TRIM9: variants seen among roughly 807,000 people sequenced by gnomAD.
TRIM9 encodes the protein E3 ubiquitin-protein ligase TRIM9.
Under a neutral mutation model 78.3 loss-of-function variants are expected in TRIM9, and 26 were observed. The observed-to-expected ratio is 0.33, with a 90% CI of 0.24 to 0.46. The LOEUF is 0.46. Ranked by LOEUF, TRIM9 falls within the 20% of genes least tolerant of loss-of-function variation. The pLI, the probability that TRIM9 is intolerant of heterozygous loss-of-function variation, is 1.00. For synonymous variants in TRIM9, 398 were observed against 416.5 expected (o/e 0.96, Z 0.54); for missense variants, 787 against 1,036.4 (o/e 0.76, Z 3.30).
chr14:51,011,047 G>C (rs138268072), intron 3 of TRIM9, among the ~76,000 whole-genome samples: 2 of 152,296 alleles, frequency 1.3e-5, no homozygotes, highest in Non-Finnish European at 2.9e-5. Context: ...GACCTGGAAG[G>C]CCAAGGTGGA....
intron 1 of TRIM9, among the ~76,000 whole-genome samples, chr14:51,031,147 C>CAAAAAAAAAAAAAAAAAAAAAAAA (rs1210514761): frequency 3.0e-5 from 3 of 100,738 alleles, no homozygotes; most frequent in South Asian, 3.9e-4. Flanking sequence ...AAACTCTTTC[C>CAAAAAAAAAAAAAAAAAAAAAAAA]AAAAAAAAAA....
intron 1 of TRIM9, among the ~76,000 whole-genome samples, chr14:51,065,643 G>A (rs1020992655): frequency 1.4e-4 from 21 of 152,206 alleles, no homozygotes; most frequent in African/African-American, 5.1e-4. Flanking sequence ...TTAAGCTGAT[G>A]AGGGTTTTAA....
In TRIM9 at chr14:51,095,007, G is replaced by T; in HGVS notation, c.-68C>A. 1 of 1,256,494 alleles carries T rather than the reference G, an allele frequency of 8.0e-7. No homozygotes were observed. Among genetic ancestry groups the T allele is most frequent in the Non-Finnish European group, 1.0e-6 (1 of 964,002 alleles). 77.8% of individuals were successfully genotyped at this position (1,256,494 alleles called of 1,614,324 possible). On this transcript the variant is annotated 5_prime_UTR_variant, in exon 1 of 13. Coordinates refer to ENST00000684578, the MANE Select transcript of TRIM9 (RefSeq NM_001387360.1). ...CCTGAGCTGGCGAGGTGGCCGACGG[G>T]CCCGTCTTGTCCAGCACCCTGGCCA... is the stretch of plus-strand genomic sequence containing the variant.
chr14:51,080,455 A>G (rs1433836475), intron 1 of TRIM9, among the ~76,000 whole-genome samples: 1 of 151,510 alleles, frequency 6.6e-6, no homozygotes, highest in Non-Finnish European at 1.5e-5. Flanking sequence ...ACACACACAC[A>G]CACACACACA....
At chr14:50,994,137 G>A (rs1302852646) in intron 7 of TRIM9, among the ~76,000 whole-genome samples, 1 of 152,232 alleles carries the variant, frequency 6.6e-6, no homozygotes, top group African/African-American at 2.4e-5. Context: ...GCTACATGGT[G>A]GCTCATGCCT....
chr14:51,049,858 GATT>G (rs2060256371), intron 1 of TRIM9, among the ~76,000 whole-genome samples: 1 of 151,562 alleles, frequency 6.6e-6, no homozygotes, highest in African/African-American at 2.4e-5. Flanking sequence ...AAAATAAAAA[GATT>G]ATTATTATTT....
chr14:51,043,898 T>G (rs146654870), intron 1 of TRIM9, among the ~76,000 whole-genome samples: 2 of 152,286 alleles, frequency 1.3e-5, no homozygotes, highest in East Asian at 3.9e-4. Context: ...TGTGCATACG[T>G]TTAAATTATT....
chr14:51,000,193 A>G (rs2054778373), intron 6 of TRIM9, among the ~76,000 whole-genome samples: 1 of 152,234 alleles, frequency 6.6e-6, no homozygotes, highest in Non-Finnish European at 1.5e-5. Flanking sequence ...ATCTTGGACA[A>G]CGGTTAATTA....
At chr14:51,054,707 G>T (rs2060748313) in intron 1 of TRIM9, among the ~76,000 whole-genome samples, 1 of 151,988 alleles carries the variant, frequency 6.6e-6, no homozygotes, top group African/African-American at 2.4e-5. Flanking sequence ...CGGAGTAGCT[G>T]GGACTACAGG....
chr14:50,993,027 T>A (rs1345161934), intron 7 of TRIM9, among the ~76,000 whole-genome samples: 1 of 152,224 alleles, frequency 6.6e-6, no homozygotes, highest in African/African-American at 2.4e-5. Context: ...CTTCTGTGAA[T>A]AAATGGCTCT....
chr14:51,022,736 T>C (rs1001473848), intron 3 of TRIM9, 99 bp downstream of exon 3: 71 of 1,545,784 alleles, frequency 4.6e-5, no homozygotes, highest in Non-Finnish European at 6.2e-5. Flanking sequence ...GGGCATCCTC[T>C]CCTCCTGTCC....
At chr14:51,087,335 A>T (rs1311018606) in intron 1 of TRIM9, among the ~76,000 whole-genome samples, 5 of 152,156 alleles carry the variant, frequency 3.3e-5, no homozygotes, top group Non-Finnish European at 5.9e-5. Context: ...TGGATAGTTT[A>T]AAAAGAAGGC....
At chr14:50,988,188 G>A (rs1281281253) in intron 7 of TRIM9, among the ~76,000 whole-genome samples, 1 of 152,142 alleles carries the variant, frequency 6.6e-6, no homozygotes, top group Non-Finnish European at 1.5e-5. Flanking sequence ...GAAAATATTT[G>A]TTGCTTTAAA....
At chr14:51,001,845 A>C (rs1243382679) in intron 5 of TRIM9, among the ~76,000 whole-genome samples, 1 of 152,196 alleles carries the variant, frequency 6.6e-6, no homozygotes, top group African/African-American at 2.4e-5. Context: ...TTTCAGGTAT[A>C]GAACACCCAC....
chr14:51,022,742 T>C (rs2057875618), intron 3 of TRIM9, 93 bp downstream of exon 3: 2 of 1,558,596 alleles, frequency 1.3e-6, no homozygotes, highest in Admixed American at 1.9e-5. Flanking sequence ...CCTCTCCTCC[T>C]GTCCATGGGA....
At chr14:51,014,722 T>C (rs1280366240) in intron 3 of TRIM9, among the ~76,000 whole-genome samples, 2 of 152,238 alleles carry the variant, frequency 1.3e-5, no homozygotes, top group African/African-American at 4.8e-5. Flanking sequence ...TACCACATTT[T>C]GTGATCATTT....
intron 6 of TRIM9, among the ~76,000 whole-genome samples, chr14:50,998,927 C>T (rs1056732209): frequency 2.0e-4 from 30 of 152,300 alleles, no homozygotes; most frequent in African/African-American, 7.0e-4. Context: ...AATATGACAA[C>T]TCTCTGGTAG....
intron 1 of TRIM9, among the ~76,000 whole-genome samples, chr14:51,078,920 CTAAG>C (rs1183056644): frequency 6.6e-6 from 1 of 152,112 alleles, no homozygotes; most frequent in African/African-American, 2.4e-5. Context: ...AAAAAAGTAA[CTAAG>C]TGAGATGATA....
intron 8 of TRIM9, among the ~76,000 whole-genome samples, chr14:50,983,987 T>C (rs1013709345): frequency 6.6e-6 from 1 of 152,194 alleles, no homozygotes; most frequent in African/African-American, 2.4e-5. Flanking sequence ...ACAAGATCCT[T>C]CTCACCTGAG....
Sources: gnomAD v4.1 joint callset for allele counts (sites outside exome capture counted in the v4.1 genomes callset) on GRCh38, gnomAD v4.1.1 for gene constraint, MANE v1.5 for transcripts, NCBI Gene and HGNC (gene_info 2026-07-23, HGNC 2026-07-21) for gene names.